The following DDHD1 variants were observed in gnomAD, a reference collection of about 807,000 sequenced individuals.
DDHD1 encodes the protein phospholipase DDHD1.
In DDHD1, 49 loss-of-function variants were observed where a neutral mutation model predicts 96.4. The ratio of observed to expected loss-of-function variants is 0.51; its 90% CI spans 0.40 to 0.64. The LOEUF (loss-of-function observed/expected upper bound fraction) is 0.64. DDHD1 is among the 30% of genes least tolerant of loss of function. The pLI, the probability that DDHD1 is intolerant of heterozygous loss-of-function variation, is 0.00. For synonymous variants in DDHD1, 442 were observed against 446.5 expected, an observed-to-expected ratio of 0.99 and a Z score of 0.13; for missense variants, 1,106 against 1,161.2, an observed-to-expected ratio of 0.95 and a Z score of 0.69.
intron 2 of DDHD1, among the ~76,000 whole-genome samples, chr14:53,098,371 C>T (rs10135057): frequency 0.99 from 151,286 of 152,112 alleles, 75,246 homozygotes; most frequent in Middle Eastern, 1. Context: ...CATTATATAA[C>T]TCTGAAAGCA....
intron 11 of DDHD1, chr14:53,053,006 C>T (rs1882737561): frequency 6.6e-6 from 1 of 151,538 alleles, no homozygotes; most frequent in African/African-American, 2.4e-5. Context: ...AGTTTTATTC[C>T]CTCAGAGCCT....
chr14:53,063,107 T>C lies in DDHD1; in HGVS notation c.1602A>G (p.Val534=), dbSNP rs761864566. The C allele has an allele frequency of 3.7e-6, 6 of 1,614,108 alleles. No homozygotes were observed. In the Admixed American group the frequency reaches 6.7e-5, roughly 18 times the overall value. The part of the protein sequence containing the change: ...FEEKGGKVSI[V]SHSLGCVITY... ...TAATTACACATCCCAAGGAATGTGA[T>C]ACTATTGAGACTTTACCCCCTTTTT... The change falls in exon 7 of 13, where the codon GTA becomes GTG. Residue 534 remains valine, a synonymous_variant. Transcript: ENST00000673822.
At chr14:53,113,625 G>A (rs1481627768) in intron 1 of DDHD1, among the ~76,000 whole-genome samples, 3 of 152,054 alleles carry the variant, frequency 2.0e-5, no homozygotes, top group African/African-American at 7.3e-5. Flanking sequence ...CACTTCACCT[G>A]GGAAGCGCAA....
intron 12 of DDHD1, among the ~76,000 whole-genome samples, chr14:53,047,958 G>A (rs1882173238): frequency 6.6e-6 from 1 of 152,122 alleles, no homozygotes. Context: ...GTCTGCCCCT[G>A]AACATGCACC....
rs1451403465 is a variant in DDHD1 at position 53,152,984 on chromosome 14, A to G, written c.115T>C (p.Cys39Arg). 6 of 1,559,552 alleles carry G rather than the reference A, an allele frequency of 3.8e-6. No individual in the cohort carries two copies. The highest frequency in any genetic ancestry group is 2.4e-5 in the East Asian group (1 of 41,114). The change falls in exon 1 of 13, where the codon TGC becomes CGC. Residue 39 changes from cysteine (C) to arginine (R), a missense_variant. By Grantham distance (180) the Cys-to-Arg change is radical. This residue lies in a region of DDHD1 where 456 missense variants were observed against 402.4 expected (regional missense o/e 1.13). Coordinates refer to ENST00000673822, the MANE Select transcript of DDHD1 (RefSeq NM_001160148.2). Reference sequence around the variant, plus strand: ...CCGCCGGGCAGGTGCTCGAAGCAGCAGACGCCGCCGCCGAACGCTGGCCTC... The same window carrying G: ...CCGCCGGGCAGGTGCTCGAAGCAGCGGACGCCGCCGCCGAACGCTGGCCTC... ...DARPAFGGGV[C>R]CFEHLPGGDP...
chr14:53,112,715 T>C (rs906164137), intron 1 of DDHD1, among the ~76,000 whole-genome samples: 1 of 152,288 alleles, frequency 6.6e-6, no homozygotes, highest in East Asian at 1.9e-4. Flanking sequence ...GTAAGTAACA[T>C]GTGGAATAGT....
At position 53,039,962 on chromosome 14, in the gene DDHD1, T is replaced by A. The variant is rs138136739; in HGVS notation, c.*6806A>T. On this transcript the variant is annotated 3_prime_UTR_variant, in exon 13 of 13. Transcript: ENST00000673822. ...TACACTGTCCCATCTCAATTCTACATGTAGTCCTTATAGCCTGGCCACGTA... is the reference window on the plus strand; with the variant it reads ...TACACTGTCCCATCTCAATTCTACAAGTAGTCCTTATAGCCTGGCCACGTA... 1.3e-5 allele frequency: 2 copies of A among 152,248 alleles called. No individual in the cohort carries two copies. The highest frequency in any genetic ancestry group is 1.3e-4 in the Admixed American group (2 of 15,266). The allele number at this position is 152,248 out of a possible 1,614,324, so 9.4% of individuals were successfully genotyped here.
At position 53,063,092 on chromosome 14, in the gene DDHD1, T is replaced by G; in HGVS notation, c.1617A>C (p.Gly539=). Residue 539 remains glycine (G), a synonymous_variant, in exon 7 of 13, where the codon GGA becomes GGC. Transcript: ENST00000673822. ...TCATTATGTCATAAGTAATTACACA[T>G]CCCAAGGAATGTGATACTATTGAGA... ...GKVSIVSHSL[G]CVITYDIMTG... is the part of the protein sequence containing the mutation. The G allele has an allele frequency of 6.2e-7, 1 of 1,614,082 alleles. No homozygotes were observed. Among genetic ancestry groups the G allele is most frequent in the Non-Finnish European group, 8.5e-7 (1 of 1,179,998 alleles).
chr14:53,103,556 T>A (rs1887469107), intron 2 of DDHD1, 127 bp downstream of exon 2: 1 of 755,358 alleles, frequency 1.3e-6, no homozygotes, highest in Admixed American at 3.5e-5. Flanking sequence ...TAATCAAATG[T>A]TTAAAAAAAT....
intron 12 of DDHD1, 44 bp downstream of exon 12, chr14:53,051,800 C>A: frequency 6.8e-7 from 1 of 1,473,536 alleles, no homozygotes; most frequent in South Asian, 1.2e-5. Flanking sequence ...CTAAGTAGAT[C>A]ATTTTTATAG....
intron 4 of DDHD1, among the ~76,000 whole-genome samples, chr14:53,088,725 A>G (rs372312616): frequency 2.0e-5 from 3 of 152,268 alleles, no homozygotes; most frequent in East Asian, 1.9e-4. Context: ...TACTGAATGG[A>G]CAAAAACTGG....
At chr14:53,152,119 T>A in intron 1 of DDHD1, 142 bp downstream of exon 1, 34 of 838,650 alleles carry the variant, frequency 4.1e-5, no homozygotes, top group South Asian at 1.6e-4. Context: ...CGACGCTCCC[T>A]GCTCAATCTC....
Position 53,058,561 on chromosome 14 carries a change from T to C in DDHD1, c.1908A>G (p.Pro636=), listed in dbSNP as rs1276676598. The C allele has an allele frequency of 1.2e-6, 2 of 1,613,816 alleles. No homozygotes were observed. The change falls in exon 9 of 13, where the codon CCA becomes CCG. Residue 636 remains proline, a synonymous_variant. Transcript: ENST00000673822. ...AVFLALRGIR[P]GNTGSQDHIL... is the part of the protein sequence containing the mutation. ...TATGGTCTTGACTTCCAGTATTTCC[T>C]GGGCGGATGCCACGCAACGCCAAGA... is the stretch of plus-strand genomic sequence containing the variant.
At chr14:53,111,037 G>C (rs950295631) in intron 1 of DDHD1, among the ~76,000 whole-genome samples, 1 of 152,186 alleles carries the variant, frequency 6.6e-6, no homozygotes, top group African/African-American at 2.4e-5. Flanking sequence ...AGGAAGAACG[G>C]TCTTTATTGA....
chr14:53,103,126 C>A, intron 2 of DDHD1: 1 of 1,449,764 alleles, frequency 6.9e-7, no homozygotes, highest in Non-Finnish European at 9.4e-7. Context: ...TTTAGACACA[C>A]AATGAAAATG....
Position 53,152,689 on chromosome 14 carries a change from C to G in DDHD1, c.410G>C (p.Gly137Ala), listed in dbSNP as rs1410448655. ...ACGTTTCCTTTCCCCGGGGGACCCTCCTGTCGCGCCGCCGCCCCCCGAGTT... is the reference window on the plus strand; with the variant it reads ...ACGTTTCCTTTCCCCGGGGGACCCTGCTGTCGCGCCGCCGCCCCCCGAGTT... ...PTNSGGGGAT[G>A]GSPGERKRTR... Residue 137 changes from glycine (G) to alanine (A), a missense_variant, in exon 1 of 13, where the codon GGA becomes GCA. Around this residue, in one of 2 missense-constraint regions of DDHD1, gnomAD observed 456 missense variants for 402.4 expected, o/e 1.13. Coordinates refer to ENST00000673822, the MANE Select transcript of DDHD1 (RefSeq NM_001160148.2). 1.2e-5 allele frequency: 20 copies of G among 1,611,432 alleles called. No individual in the cohort carries two copies. The highest frequency in any genetic ancestry group is 1.7e-5 in the Non-Finnish European group (20 of 1,179,236).
chr14:53,116,175 C>G (rs1041927425), intron 1 of DDHD1, among the ~76,000 whole-genome samples: 2 of 152,198 alleles, frequency 1.3e-5, no homozygotes, highest in African/African-American at 2.4e-5. Context: ...GGAGAGCTAA[C>G]TATCCTAAAT....
chr14:53,117,868 C>A (rs1437422598), intron 1 of DDHD1, among the ~76,000 whole-genome samples: 5 of 152,280 alleles, frequency 3.3e-5, no homozygotes, highest in African/African-American at 9.6e-5. Context: ...GGTCCCTGAC[C>A]CCTGTGTTGC....
intron 6 of DDHD1, among the ~76,000 whole-genome samples, chr14:53,068,270 G>GTCTTT (rs1298619479): frequency 1.1e-5 from 1 of 94,346 alleles, no homozygotes; most frequent in Non-Finnish European, 2.0e-5. Context: ...TTGAGATGGG[G>GTCTTT]TCTTGCTCTT....
Sources: allele counts gnomAD v4.1 joint callset (sites outside exome capture counted in the v4.1 genomes callset), GRCh38; gene constraint gnomAD v4.1.1; regional missense constraint gnomAD v4.1.1; transcripts MANE v1.5; gene names NCBI Gene and HGNC (gene_info 2026-07-23, HGNC 2026-07-21).